TSHZ2: variants seen among roughly 807,000 people sequenced by gnomAD.
TSHZ2 encodes the protein teashirt zinc finger homeobox 2.
In TSHZ2, 21 loss-of-function variants were observed where a neutral mutation model predicts 74.4. The ratio of observed to expected loss-of-function variants is 0.28; its 90% CI spans 0.20 to 0.41. The LOEUF is 0.41. TSHZ2 is among the 10% of genes least tolerant of loss of function. TSHZ2 has a pLI of 1.00. For missense variants in TSHZ2, 1,244 were observed against 1,293.5 expected, an observed-to-expected ratio of 0.96 and a Z score of 0.59; for synonymous variants, 540 against 515.3, an observed-to-expected ratio of 1.05 and a Z score of -0.65.
At chr20:53,304,848 T>G (rs1489779114) in intron 2 of TSHZ2, among the ~76,000 whole-genome samples, 3 of 152,108 alleles carry the variant, frequency 2.0e-5, no homozygotes, top group Non-Finnish European at 2.9e-5. Flanking sequence ...GCCAAAATGG[T>G]CTCGATCTCC....
At chr20:53,131,903 T>C (rs2123387599) in intron 1 of TSHZ2, among the ~76,000 whole-genome samples, 1 of 142,934 alleles carries the variant, frequency 7.0e-6, no homozygotes, top group Non-Finnish European at 1.5e-5. Context: ...CTCTGTAAAA[T>C]TGAAGAGTGT....
intron 1 of TSHZ2, among the ~76,000 whole-genome samples, chr20:53,017,177 CAACAGCTCTGT>C (rs1191652553): frequency 6.6e-6 from 1 of 152,184 alleles, no homozygotes; most frequent in African/African-American, 2.4e-5. Context: ...TGAATTTTCA[CAACAGCTCTGT>C]GGCATACAGG....
intron 2 of TSHZ2, among the ~76,000 whole-genome samples, chr20:53,324,466 C>A (rs1979412471): frequency 6.6e-6 from 1 of 152,312 alleles, no homozygotes; most frequent in East Asian, 1.9e-4. Context: ...CAGGCTCAAA[C>A]TCCTGGGCTC....
intron 1 of TSHZ2, among the ~76,000 whole-genome samples, chr20:53,238,404 T>C (rs925084389): frequency 6.6e-6 from 1 of 152,242 alleles, no homozygotes; most frequent in African/African-American, 2.4e-5. Context: ...CTCTCTATCA[T>C]AGAATTGTGA....
At chr20:52,999,129 A>G (rs1016709378) in intron 1 of TSHZ2, among the ~76,000 whole-genome samples, 2 of 137,342 alleles carry the variant, frequency 1.5e-5, no homozygotes, top group Non-Finnish European at 3.3e-5. Flanking sequence ...TCACTGCCAC[A>G]TTCCAAGACC....
At chr20:53,378,317 G>A (rs538175274) in intron 2 of TSHZ2, among the ~76,000 whole-genome samples, 4 of 149,848 alleles carry the variant, frequency 2.7e-5, no homozygotes, top group African/African-American at 9.8e-5. Context: ...TCCAGCCTGG[G>A]CGACAAAGCA....
chr20:53,419,982 C>T (rs1351702238), intron 2 of TSHZ2, among the ~76,000 whole-genome samples: 3 of 152,198 alleles, frequency 2.0e-5, no homozygotes, highest in African/African-American at 2.4e-5. Flanking sequence ...CTCTCTGCAC[C>T]GTATATAAAG....
At chr20:53,091,614 G>A (rs1350614617) in intron 1 of TSHZ2, among the ~76,000 whole-genome samples, 1 of 152,062 alleles carries the variant, frequency 6.6e-6, no homozygotes, top group Non-Finnish European at 1.5e-5. Context: ...TTAGATTTTT[G>A]AAGATGCAAA....
chr20:53,170,727 C>T (rs532582088), intron 1 of TSHZ2, among the ~76,000 whole-genome samples: 6 of 152,124 alleles, frequency 3.9e-5, no homozygotes. Context: ...CTGAGCTTAG[C>T]GGTACTAAAA....
intron 2 of TSHZ2, among the ~76,000 whole-genome samples, chr20:53,469,658 A>AG (rs1985711839): frequency 1.3e-5 from 1 of 79,646 alleles, no homozygotes; most frequent in Non-Finnish European, 2.6e-5. Context: ...GGAAGGAAGG[A>AG]AGGAAGGAAG....
intron 1 of TSHZ2, among the ~76,000 whole-genome samples, chr20:53,234,969 G>C (rs1268816344): frequency 6.6e-6 from 1 of 152,032 alleles, no homozygotes; most frequent in Admixed American, 6.6e-5. Flanking sequence ...CACAAGGATG[G>C]GATCAATTCA....
intron 2 of TSHZ2, among the ~76,000 whole-genome samples, chr20:53,331,800 G>A (rs1013714225): frequency 6.6e-6 from 1 of 152,124 alleles, no homozygotes; most frequent in Non-Finnish European, 1.5e-5. Context: ...GAACCACAGG[G>A]ACAGGGCAGG....
chr20:53,344,302 T>C (rs1387033560), intron 2 of TSHZ2, among the ~76,000 whole-genome samples: 2 of 152,268 alleles, frequency 1.3e-5, no homozygotes, highest in East Asian at 3.9e-4. Flanking sequence ...ATTTTGCTTG[T>C]ATTTTCTCAA....
intron 2 of TSHZ2, among the ~76,000 whole-genome samples, chr20:53,340,040 C>T (rs1190528861): frequency 6.6e-6 from 1 of 152,094 alleles, no homozygotes; most frequent in East Asian, 1.9e-4. Flanking sequence ...GCAAAAATTG[C>T]ATCTGTTCAA....
intron 1 of TSHZ2, among the ~76,000 whole-genome samples, chr20:52,975,699 C>G (rs936100682): frequency 3.3e-5 from 5 of 152,096 alleles, no homozygotes; most frequent in Admixed American, 1.3e-4. Context: ...GGCCCTCTTA[C>G]CTTATTTATT....
chr20:53,188,413 A>G (rs1467828403), intron 1 of TSHZ2, among the ~76,000 whole-genome samples: 1 of 152,210 alleles, frequency 6.6e-6, no homozygotes, highest in Non-Finnish European at 1.5e-5. Flanking sequence ...CTAGAGATAC[A>G]AGGCAATGCT....
intron 2 of TSHZ2, among the ~76,000 whole-genome samples, chr20:53,288,249 C>T (rs1251620365): frequency 1.3e-5 from 2 of 151,820 alleles, no homozygotes; most frequent in Non-Finnish European, 2.9e-5. Flanking sequence ...ACTAAAAATA[C>T]AAAAATTAGC....
At chr20:53,314,162 C>T (rs1024819387) in intron 2 of TSHZ2, among the ~76,000 whole-genome samples, 22 of 151,890 alleles carry the variant, frequency 1.4e-4, no homozygotes, top group African/African-American at 4.8e-4. Context: ...GTGATGGGTG[C>T]CTATAGTCCC....
At chr20:53,310,985 A>G (rs76487047) in intron 2 of TSHZ2, among the ~76,000 whole-genome samples, 2,066 of 152,294 alleles carry the variant, frequency 0.014, 42 homozygotes, top group African/African-American at 0.048. Context: ...TGCAAAATTT[A>G]TTTTTGCTGA....
Sources: allele counts gnomAD v4.1 joint callset (sites outside exome capture counted in the v4.1 genomes callset), GRCh38; gene constraint gnomAD v4.1.1; transcripts MANE v1.5; gene names NCBI Gene and HGNC (gene_info 2026-07-23, HGNC 2026-07-21).